LOXL2: variants seen among roughly 807,000 people sequenced by gnomAD.
LOXL2 encodes the protein lysyl oxidase like 2, also known as lysyl oxidase homolog 2.
Under a neutral mutation model 93.0 loss-of-function variants are expected in LOXL2, and 70 were observed. The observed-to-expected ratio is 0.75, with a 90% CI of 0.62 to 0.92. The LOEUF (loss-of-function observed/expected upper bound fraction) is 0.92, where lower values mean the gene tolerates loss of function less well. Among genes scored for constraint, LOXL2 ranks in the 40% least tolerant of loss-of-function variants. The pLI is 0.00. For missense variants in LOXL2, 973 were observed against 1,054.9 expected (o/e 0.92, Z 1.08); for synonymous variants, 438 against 413.2 (o/e 1.06, Z -0.73).
chr8:23,360,240 G>A lies in LOXL2; in HGVS notation c.381C>T (p.His127=), dbSNP rs78055779. The A allele has an allele frequency of 2.9e-3, 4,604 of 1,612,046 alleles. 101 individuals carry two copies. In the African/African-American group the frequency reaches 0.056, roughly 19 times the overall value. Residue 127 remains histidine (H), a synonymous_variant, in exon 3 of 14, where the codon CAC becomes CAT. Coordinates refer to ENST00000389131, the MANE Select transcript of LOXL2 (RefSeq NM_002318.3). The stretch of plus-strand genomic sequence containing the variant: ...CAAGGGTCGCCTCGTTGCCAGTACA[G>A]TGGAGATTGTCTAACCAGATGGGCC... ...GEGPIWLDNL[H]CTGNEATLAA... is the part of the protein sequence containing the mutation.
At chr8:23,305,976 A>C (rs925594221) in intron 10 of LOXL2, among the ~76,000 whole-genome samples, 1 of 151,788 alleles carries the variant, frequency 6.6e-6, no homozygotes, top group Admixed American at 6.6e-5. Context: ...ATGCCTGGCA[A>C]ATTTTTGTAT....
In LOXL2 at chr8:23,321,960, G is replaced by A. The variant is rs146297323; in HGVS notation, c.1302+170C>T. ...GGGCTTGGGCCTGCTGCCGGGCCAG[G>A]GCCAGGCCCGAGGTTCGAGGGGGAA... On this transcript the variant is annotated intron_variant, in intron 7 of 13. Transcript: ENST00000389131. 4.1e-4 allele frequency: 290 copies of A among 715,994 alleles called. 6 individuals carry two copies. In the East Asian group the frequency reaches 7.5e-3, roughly 19 times the overall value. 44.4% of individuals were successfully genotyped at this position (715,994 alleles called of 1,614,324 possible).
rs932789916 is a variant in LOXL2, at chr8:23,329,695, G to A, written c.967-1130C>T. Among the ~76,000 whole-genome samples, 3 of 152,348 alleles carry A rather than the reference G, an allele frequency of 2.0e-5. No individual in the cohort carries two copies. The East Asian group carries it at 5.8e-4, about 29-fold the overall frequency. On this transcript the variant is annotated intron_variant, in intron 5 of 13. Transcript: ENST00000389131. ...AAGACTGTGTAGCCATTCTAGGTGTGTCATATCAGACCAGAGTCATTGCCT... is the reference window on the plus strand; with the variant it reads ...AAGACTGTGTAGCCATTCTAGGTGTATCATATCAGACCAGAGTCATTGCCT...
intron 3 of LOXL2, among the ~76,000 whole-genome samples, chr8:23,359,841 C>T (rs1294257164): frequency 1.3e-5 from 2 of 152,194 alleles, no homozygotes; most frequent in Non-Finnish European, 2.9e-5. Flanking sequence ...GCTCTGCTTA[C>T]CCCAGCCCAA....
Position 23,368,027 on chromosome 8 carries a change from T to C in LOXL2, c.325A>G (p.Thr109Ala). 6.2e-7 allele frequency: 1 copy of C among 1,613,684 alleles called. No homozygotes were observed. The highest frequency in any genetic ancestry group is 8.5e-7 in the Non-Finnish European group (1 of 1,179,982). ...ELGYVEAKSW[T>A]ASSSYGKGEG... The stretch of plus-strand genomic sequence containing the variant: ...CCCTTGCCGTAGGAGGAGCTGGCAG[T>C]CCAGGACTTGGCCTCCACGTAGCCC... Residue 109 changes from threonine to alanine, a missense_variant, in exon 2 of 14, where the codon ACT (threonine) becomes GCT (alanine). Physicochemically the swap from Thr to Ala is moderately conservative, Grantham distance 58. Coordinates refer to ENST00000389131, the MANE Select transcript of LOXL2 (RefSeq NM_002318.3).
At chr8:23,365,148 C>T (rs1192630457) in intron 2 of LOXL2, 1 of 152,402 alleles carries the variant, frequency 6.6e-6, no homozygotes, top group Non-Finnish European at 1.5e-5. Flanking sequence ...CCCTGGTGCC[C>T]TCCCTGGTTT....
rs1195643613 is a variant in LOXL2 at position 23,333,567 on chromosome 8, C to T, written c.800G>A (p.Gly267Asp). 1.2e-6 allele frequency: 2 copies of T among 1,613,854 alleles called. No individual in the cohort carries two copies. The highest frequency in any genetic ancestry group is 1.1e-5 in the South Asian group (1 of 91,092). Residue 267 changes from glycine to aspartate, a missense_variant, in exon 5 of 14, where the codon GGC becomes GAC. Physicochemically the swap from Gly to Asp is moderately conservative, Grantham distance 94 (BLOSUM62 -1). Transcript: ENST00000389131. Reference sequence around the variant, plus strand: ...GCAGCTGGAGATGTGGGCCTCTGTGCCGGTGCAGTCCATGGAGAATGGCCA... The same window carrying T: ...GCAGCTGGAGATGTGGGCCTCTGTGTCGGTGCAGTCCATGGAGAATGGCCA... ...RYWPFSMDCT[G>D]TEAHISSCKL...
At chr8:23,334,156 A>G (rs920962250) in intron 4 of LOXL2, among the ~76,000 whole-genome samples, 6 of 152,144 alleles carry the variant, frequency 3.9e-5, no homozygotes, top group Admixed American at 3.3e-4. Context: ...CTGCAGCCTC[A>G]GCCTCCTGAG....
Position 23,302,216 on chromosome 8 carries a change from C to T in LOXL2, c.1997-53G>A, listed in dbSNP as rs151001786. 356 of 1,604,456 alleles carry T rather than the reference C, an allele frequency of 2.2e-4. 1 individual carries two copies. The African/African-American group carries it at 2.4e-3, about 11-fold the overall frequency. On this transcript the variant is annotated intron_variant, in intron 11 of 13. Coordinates refer to ENST00000389131, the MANE Select transcript of LOXL2 (RefSeq NM_002318.3). ...CACCAGGGAACCATGGCCCCACTGC[C>T]GCACCCTCTTCCTGCTTCCAAGGCC...
intron 1 of LOXL2, among the ~76,000 whole-genome samples, chr8:23,382,952 A>G (rs1804701532): frequency 6.6e-6 from 1 of 152,106 alleles, no homozygotes; most frequent in East Asian, 1.9e-4. Flanking sequence ...CCCACCCTCA[A>G]TTCCATGTGT....
intron 5 of LOXL2, among the ~76,000 whole-genome samples, chr8:23,332,387 C>A (rs1803702239): frequency 1.6e-5 from 2 of 127,378 alleles, no homozygotes; most frequent in African/African-American, 2.9e-5. Context: ...CATACACACT[C>A]ATACACACAC....
chr8:23,347,956 A>G (rs1804021038), intron 3 of LOXL2, among the ~76,000 whole-genome samples: 1 of 152,206 alleles, frequency 6.6e-6, no homozygotes, highest in Non-Finnish European at 1.5e-5. Context: ...AACCAACCCA[A>G]ATGTCCTTCA....
At chr8:23,317,370 G>A (rs13282766) in intron 8 of LOXL2, among the ~76,000 whole-genome samples, 104,056 of 152,026 alleles carry the variant, frequency 0.68, 36,198 homozygotes, top group Non-Finnish European at 0.75. Flanking sequence ...GTTGTGGTCA[G>A]ACACTGCAAG....
At chr8:23,374,355 A>G (rs868796455) in intron 1 of LOXL2, among the ~76,000 whole-genome samples, 4 of 152,040 alleles carry the variant, frequency 2.6e-5, no homozygotes, top group African/African-American at 9.7e-5. Flanking sequence ...ATCTTTGATG[A>G]ACATTTGGGT....
rs1234125521 is a variant in LOXL2, at chr8:23,328,584, C to A, written c.967-19G>T. 6.2e-7 allele frequency: 1 copy of A among 1,612,536 alleles called. No individual in the cohort carries two copies. The highest frequency in any genetic ancestry group is 1.7e-5 in the Admixed American group (1 of 60,012). ...GGGGTTGCTGAAGAGACACACGGTC[C>A]TGCTGAGTACAGACGCTGATGCACG... On this transcript the variant is annotated intron_variant, in intron 5 of 13. Coordinates refer to ENST00000389131, the MANE Select transcript of LOXL2 (RefSeq NM_002318.3).
intron 1 of LOXL2, among the ~76,000 whole-genome samples, chr8:23,386,296 G>C (rs1195024255): frequency 1.3e-5 from 2 of 152,212 alleles, no homozygotes. Flanking sequence ...AGGAGGCTGA[G>C]GCAGGAGACT....
chr8:23,393,094 T>C (rs544332048), intron 1 of LOXL2, among the ~76,000 whole-genome samples: 1 of 152,324 alleles, frequency 6.6e-6, no homozygotes, highest in African/African-American at 2.4e-5. Context: ...CCCATGTTCA[T>C]GGACTGGAAG....
At chr8:23,367,075 G>A (rs1804414144) in intron 2 of LOXL2, among the ~76,000 whole-genome samples, 1 of 152,290 alleles carries the variant, frequency 6.6e-6, no homozygotes, top group Non-Finnish European at 1.5e-5. Context: ...TTGAGATGGA[G>A]TCTCGCTCTG....
chr8:23,364,743 G>T (rs1804370322), intron 2 of LOXL2: 1 of 152,220 alleles, frequency 6.6e-6, no homozygotes, highest in Non-Finnish European at 1.5e-5. Flanking sequence ...TCGGGGGGCT[G>T]AGATGGGAGG....
Sources: gnomAD v4.1 joint callset for allele counts (sites outside exome capture counted in the v4.1 genomes callset) on GRCh38, gnomAD v4.1.1 for gene constraint, MANE v1.5 for transcripts, NCBI Gene and HGNC (gene_info 2026-07-23, HGNC 2026-07-21) for gene names.